The following SPTLC1 variants were observed in gnomAD, a reference collection of about 807,000 sequenced individuals.
SPTLC1 encodes serine palmitoyltransferase 1.
Under a neutral mutation model 68.9 loss-of-function variants are expected in SPTLC1, and 55 were observed. The ratio of observed to expected loss-of-function variants is 0.80; its 90% CI spans 0.64 to 1.00. The LOEUF is 1.00. SPTLC1 is among the 50% of genes least tolerant of loss of function. The pLI is 0.00. For synonymous variants in SPTLC1, 197 were observed against 201.6 expected (o/e 0.98, Z 0.19); for missense variants, 449 against 573.1 (o/e 0.78, Z 2.21).
intron 5 of SPTLC1, among the ~76,000 whole-genome samples, chr9:92,071,705 G>A (rs1456181963): frequency 3.3e-5 from 5 of 152,124 alleles, no homozygotes; most frequent in East Asian, 1.9e-4. Flanking sequence ...TCAAGCCATC[G>A]TGACCCCTGT....
chr9:92,087,079 G>T (rs1444322183), intron 3 of SPTLC1, among the ~76,000 whole-genome samples: 1 of 152,102 alleles, frequency 6.6e-6, no homozygotes, highest in South Asian at 2.1e-4. Flanking sequence ...CTCGAGCCTT[G>T]GCTTTCAGCT....
intron 3 of SPTLC1, among the ~76,000 whole-genome samples, chr9:92,106,039 G>GC (rs1188362898): frequency 2.1e-5 from 3 of 139,538 alleles, no homozygotes; most frequent in African/African-American, 8.2e-5. Flanking sequence ...CCTCTGCCCG[G>GC]CCCCCTCACC....
intron 13 of SPTLC1, among the ~76,000 whole-genome samples, chr9:92,037,683 C>T (rs1564080569): frequency 1.3e-5 from 2 of 152,140 alleles, no homozygotes; most frequent in Admixed American, 6.5e-5. Flanking sequence ...GTTTCTTAGA[C>T]AATTAGTAGT....
intron 3 of SPTLC1, among the ~76,000 whole-genome samples, chr9:92,106,911 C>T (rs1208001308): frequency 6.6e-6 from 1 of 152,098 alleles, no homozygotes; most frequent in Non-Finnish European, 1.5e-5. Context: ...CTCTCCTCCT[C>T]TTTCCTCCCC....
chr9:92,074,447 C>G (rs1484330738), intron 5 of SPTLC1, among the ~76,000 whole-genome samples: 2 of 152,060 alleles, frequency 1.3e-5, no homozygotes, highest in Non-Finnish European at 2.9e-5. Flanking sequence ...CAGAGCTACC[C>G]TTTTATCCAA....
chr9:92,032,875 CA>C (rs11355920), intron 14 of SPTLC1, among the ~76,000 whole-genome samples: 40,584 of 109,600 alleles, frequency 0.37, 8,794 homozygotes, highest in African/African-American at 0.67. Context: ...GACTCTGTCT[CA>C]AAAAAAAAAA....
At chr9:92,047,031 T>C in intron 11 of SPTLC1, 141 bp downstream of exon 11, 1 of 754,752 alleles carries the variant, frequency 1.3e-6, no homozygotes, top group Admixed American at 2.0e-5. Flanking sequence ...GCTTCTTCAC[T>C]GCCATTCTTC....
chr9:92,063,807 C>A (rs79772838), intron 6 of SPTLC1, among the ~76,000 whole-genome samples: 3,063 of 152,096 alleles, frequency 0.02, 69 homozygotes, highest in South Asian at 0.08. Context: ...ACCAAATTCA[C>A]ATTGATTTGC....
chr9:92,079,431 A>C lies in SPTLC1; in HGVS notation c.427+585T>G, dbSNP rs1415576652. 1.2e-5 allele frequency: 19 copies of C among 1,587,856 alleles called. 1 individual carries two copies. In the South Asian group the frequency reaches 1.8e-4, roughly 15 times the overall value. On this transcript the variant is annotated intron_variant, in intron 5 of 14. Coordinates refer to ENST00000262554, the MANE Select transcript of SPTLC1 (RefSeq NM_006415.4). Reference sequence around the variant, plus strand: ...CAAAGAATATACACTTAATAAAAACAACCATAAAATGCCGGTCTTCTTTGA... The same window carrying C: ...CAAAGAATATACACTTAATAAAAACCACCATAAAATGCCGGTCTTCTTTGA...
At chr9:92,090,778 C>G (rs1264298978) in intron 3 of SPTLC1, among the ~76,000 whole-genome samples, 1 of 152,056 alleles carries the variant, frequency 6.6e-6, no homozygotes, top group Non-Finnish European at 1.5e-5. Context: ...CAAAAGACCA[C>G]TTCTGTCAGC....
chr9:92,050,786 C>T (rs1231318539), intron 8 of SPTLC1, among the ~76,000 whole-genome samples: 1 of 143,418 alleles, frequency 7.0e-6, no homozygotes, highest in African/African-American at 2.7e-5. Context: ...AAATGATTCA[C>T]TTAACAAAAG....
At chr9:92,091,514 T>C (rs1835361024) in intron 3 of SPTLC1, among the ~76,000 whole-genome samples, 2 of 152,268 alleles carry the variant, frequency 1.3e-5, no homozygotes, top group African/African-American at 4.8e-5. Flanking sequence ...AAGAGCAGTA[T>C]TTTTGAATAT....
At chr9:92,040,314 G>A (rs1833296453) in intron 12 of SPTLC1, among the ~76,000 whole-genome samples, 1 of 151,966 alleles carries the variant, frequency 6.6e-6, no homozygotes, top group African/African-American at 2.4e-5. Flanking sequence ...AGGTTGCAAT[G>A]AGCTGAGATC....
intron 6 of SPTLC1, among the ~76,000 whole-genome samples, chr9:92,061,114 C>T (rs1834085576): frequency 6.6e-6 from 1 of 152,036 alleles, no homozygotes; most frequent in South Asian, 2.1e-4. Flanking sequence ...AAAAACTTCC[C>T]AAATTTGTCA....
chr9:92,072,244 C>A (rs752967930), intron 5 of SPTLC1, among the ~76,000 whole-genome samples: 10 of 152,192 alleles, frequency 6.6e-5, no homozygotes, highest in African/African-American at 2.2e-4. Flanking sequence ...TCAGACCAGC[C>A]CCCGCGAACA....
At chr9:92,034,955 G>T in intron 13 of SPTLC1, 72 bp from the exon 14 acceptor site, 1 of 1,218,144 alleles carries the variant, frequency 8.2e-7, no homozygotes, top group Non-Finnish European at 1.2e-6. Context: ...GGGGAACGCT[G>T]AAATCCTGCA....
chr9:92,114,872 A>G (rs1836388208), intron 1 of SPTLC1: 1 of 184,362 alleles, frequency 5.4e-6, no homozygotes, highest in East Asian at 1.4e-4. Flanking sequence ...TTTCTTTTCG[A>G]CAAAAACAAA....
At chr9:92,084,085 T>C (rs1000641758) in intron 3 of SPTLC1, among the ~76,000 whole-genome samples, 14 of 151,836 alleles carry the variant, frequency 9.2e-5, no homozygotes, top group Non-Finnish European at 1.6e-4. Flanking sequence ...TTTTGTACAT[T>C]GATTTTGTAT....
intron 6 of SPTLC1, among the ~76,000 whole-genome samples, chr9:92,066,185 A>C (rs1834273156): frequency 6.6e-6 from 1 of 152,192 alleles, no homozygotes; most frequent in African/African-American, 2.4e-5. Flanking sequence ...TACAAAAGAA[A>C]AGTACAGTAA....
Sources: gnomAD v4.1 joint callset for allele counts (sites outside exome capture counted in the v4.1 genomes callset) on GRCh38, gnomAD v4.1.1 for gene constraint, MANE v1.5 for transcripts, NCBI Gene and HGNC (gene_info 2026-07-23, HGNC 2026-07-21) for gene names.